SGCZ: variants seen among roughly 807,000 people sequenced by gnomAD.
SGCZ encodes sarcoglycan zeta.
SGCZ carries 40 observed loss-of-function variants against 41.3 expected under a neutral mutation model. The observed-to-expected ratio is 0.97, with a 90% CI of 0.75 to 1.26. SGCZ has a LOEUF of 1.26. Among genes scored for constraint, SGCZ ranks in the 50% most tolerant of loss-of-function variants. The pLI is 0.00. For missense variants in SGCZ, 552 were observed against 369.8 expected, an observed-to-expected ratio of 1.49 and a Z score of -4.04; for synonymous variants, 206 against 137.5, an observed-to-expected ratio of 1.50 and a Z score of -3.49.
chr8:14,860,725 A>AGAAG, intron 1 of SGCZ, among the ~76,000 whole-genome samples: 1 of 146,634 alleles, frequency 6.8e-6, no homozygotes, highest in African/African-American at 2.5e-5. Flanking sequence ...AAAGAAAGAA[A>AGAAG]GAAAGAAAGA....
chr8:14,319,955 A>T (rs1010866548), intron 3 of SGCZ, among the ~76,000 whole-genome samples: 1 of 152,038 alleles, frequency 6.6e-6, no homozygotes, highest in Non-Finnish European at 1.5e-5. Context: ...TGTGGTGAAG[A>T]AATATTTAAG....
chr8:14,508,851 G>A (rs1802384722), intron 2 of SGCZ, among the ~76,000 whole-genome samples: 1 of 152,132 alleles, frequency 6.6e-6, no homozygotes, highest in Non-Finnish European at 1.5e-5. Flanking sequence ...CTACTATTTG[G>A]ATGATTACAT....
At chr8:14,209,152 T>C (rs1326165611) in intron 4 of SGCZ, among the ~76,000 whole-genome samples, 1 of 152,220 alleles carries the variant, frequency 6.6e-6, no homozygotes, top group Non-Finnish European at 1.5e-5. Context: ...TGCATATTAG[T>C]GCGGGGTGGA....
intron 1 of SGCZ, among the ~76,000 whole-genome samples, chr8:14,906,030 G>A (rs569231586): frequency 6.6e-6 from 1 of 151,862 alleles, no homozygotes; most frequent in African/African-American, 2.4e-5. Context: ...TATATCAAAA[G>A]CCAAAAGAAA....
chr8:14,670,393 G>C (rs1187047550), intron 1 of SGCZ, among the ~76,000 whole-genome samples: 2 of 151,988 alleles, frequency 1.3e-5, no homozygotes, highest in Non-Finnish European at 2.9e-5. Flanking sequence ...GCATATTATT[G>C]CTATCAGTTT....
chr8:14,296,148 C>T (rs1801004334), intron 3 of SGCZ, among the ~76,000 whole-genome samples: 1 of 152,124 alleles, frequency 6.6e-6, no homozygotes, highest in South Asian at 2.1e-4. Context: ...CAAACTAAGA[C>T]TCAACAAGAT....
chr8:14,713,264 T>C (rs1218640905), intron 1 of SGCZ, among the ~76,000 whole-genome samples: 1 of 152,180 alleles, frequency 6.6e-6, no homozygotes, highest in East Asian at 1.9e-4. Flanking sequence ...AAATTAAAAT[T>C]CAAAAACTTC....
intron 1 of SGCZ, among the ~76,000 whole-genome samples, chr8:15,010,075 AT>A (rs1246933791): frequency 6.6e-6 from 1 of 152,128 alleles, no homozygotes; most frequent in Non-Finnish European, 1.5e-5. Flanking sequence ...ATGTGATGTT[AT>A]TTGAGAAATA....
chr8:14,229,891 G>T (rs1006183850), intron 4 of SGCZ, among the ~76,000 whole-genome samples: 3 of 152,024 alleles, frequency 2.0e-5, no homozygotes, highest in Non-Finnish European at 2.9e-5. Context: ...TTTATGCTTA[G>T]CACTAACAAA....
chr8:14,387,300 T>A (rs1804609674), intron 2 of SGCZ, among the ~76,000 whole-genome samples: 1 of 152,080 alleles, frequency 6.6e-6, no homozygotes, highest in Non-Finnish European at 1.5e-5. Context: ...AATCCTCCCA[T>A]CCTGGTCTCC....
chr8:14,097,017 G>C (rs893132815), intron 7 of SGCZ, among the ~76,000 whole-genome samples: 13 of 151,362 alleles, frequency 8.6e-5, no homozygotes, highest in Admixed American at 2.0e-4. Context: ...TCTGGCTAGC[G>C]GTCTATTTTG....
At chr8:14,505,835 C>G (rs1802288728) in intron 2 of SGCZ, among the ~76,000 whole-genome samples, 2 of 152,000 alleles carry the variant, frequency 1.3e-5, no homozygotes, top group African/African-American at 4.8e-5. Context: ...TTCTTAGGCC[C>G]CATCGTATAC....
At chr8:14,357,668 T>G (rs1803346203) in intron 2 of SGCZ, among the ~76,000 whole-genome samples, 1 of 152,220 alleles carries the variant, frequency 6.6e-6, no homozygotes. Flanking sequence ...CATTGACTGT[T>G]GATTAGGGGC....
At chr8:14,908,371 G>A (rs530565188) in intron 1 of SGCZ, among the ~76,000 whole-genome samples, 1 of 152,230 alleles carries the variant, frequency 6.6e-6, no homozygotes, top group South Asian at 2.1e-4. Flanking sequence ...CTAGGCACAT[G>A]GCAGAGTCTC....
chr8:14,483,843 A>T (rs1801601051), intron 2 of SGCZ, among the ~76,000 whole-genome samples: 1 of 152,210 alleles, frequency 6.6e-6, no homozygotes, highest in Non-Finnish European at 1.5e-5. Context: ...TAGCCTGAAA[A>T]TAAGGTTGTT....
rs544445802 is a variant in SGCZ, at chr8:14,775,418, G to A, written c.40-220492C>T. 9.3e-4 allele frequency among the ~76,000 whole-genome samples: 141 copies of A among 151,034 alleles called. 2 individuals carry two copies. The highest frequency in any genetic ancestry group is 1.1e-3 in the Admixed American group (17 of 15,174). On this transcript the variant is annotated intron_variant, in intron 1 of 7. Coordinates refer to ENST00000382080, the MANE Select transcript of SGCZ (RefSeq NM_139167.4). ...TTCACTTACCTAATTATTTTCCTACGTCCCCACTCTGTGTATGACAGTATG... is the reference window on the plus strand; with the variant it reads ...TTCACTTACCTAATTATTTTCCTACATCCCCACTCTGTGTATGACAGTATG...
At chr8:15,108,635 C>T (rs966980722) in intron 1 of SGCZ, among the ~76,000 whole-genome samples, 10 of 152,142 alleles carry the variant, frequency 6.6e-5, no homozygotes, top group Non-Finnish European at 1.3e-4. Context: ...TAAATTCTAG[C>T]CCCAGAGCTA....
intron 1 of SGCZ, among the ~76,000 whole-genome samples, chr8:15,101,239 T>C (rs1053559912): frequency 6.6e-6 from 1 of 152,166 alleles, no homozygotes; most frequent in African/African-American, 2.4e-5. Flanking sequence ...ATTTAAAAAA[T>C]TGTTGTAATT....
intron 1 of SGCZ, among the ~76,000 whole-genome samples, chr8:14,720,102 G>A (rs1031667893): frequency 6.6e-6 from 1 of 151,704 alleles, no homozygotes; most frequent in African/African-American, 2.4e-5. Context: ...CAAGTTCTTT[G>A]TCTTTTTTCT....
Sources: gnomAD v4.1 joint callset for allele counts (sites outside exome capture counted in the v4.1 genomes callset) on GRCh38, gnomAD v4.1.1 for gene constraint, MANE v1.5 for transcripts, NCBI Gene and HGNC (gene_info 2026-07-23, HGNC 2026-07-21) for gene names.